RPS6KA6: variants seen among roughly 807,000 people sequenced by gnomAD.
RPS6KA6 encodes ribosomal protein S6 kinase A6, also known as ribosomal protein S6 kinase alpha-6.
RPS6KA6 carries 27 observed loss-of-function variants against 65.4 expected under a neutral mutation model. The ratio of observed to expected loss-of-function variants is 0.41; its 90% CI spans 0.30 to 0.57. The LOEUF (loss-of-function observed/expected upper bound fraction) is 0.57, where lower values mean the gene tolerates loss of function less well. RPS6KA6 is among the 20% of genes least tolerant of loss of function. RPS6KA6 has a pLI of 0.24. For missense variants in RPS6KA6, 486 were observed against 555.6 expected (o/e 0.87, Z 1.26); for synonymous variants, 190 against 184.2 (o/e 1.03, Z -0.26).
chrX:84,138,728 T>C (rs1485253386), intron 6 of RPS6KA6, among the ~76,000 whole-genome samples: 1 of 111,205 alleles, frequency 9.0e-6, no homozygotes, highest in Non-Finnish European at 1.9e-5. Context: ...TAATCAGCCA[T>C]TCATTCTACC....
intron 9 of RPS6KA6, among the ~76,000 whole-genome samples, chrX:84,118,804 T>C (rs757093166): frequency 8.9e-6 from 1 of 111,966 alleles, no homozygotes; most frequent in Admixed American, 9.5e-5. Context: ...TTTCTTCCAT[T>C]ACAATCCACT....
intron 3 of RPS6KA6, among the ~76,000 whole-genome samples, chrX:84,151,770 C>T (rs2035330746): frequency 8.9e-6 from 1 of 111,932 alleles, no homozygotes; most frequent in African/African-American, 3.2e-5. Context: ...AATGTCTCAT[C>T]AAGGACATTC....
chrX:84,181,151 T>C (rs1320028590), intron 1 of RPS6KA6, among the ~76,000 whole-genome samples: 4 of 111,860 alleles, frequency 3.6e-5, no homozygotes, highest in Non-Finnish European at 7.5e-5. Context: ...AAAGTTTGTC[T>C]TCAATCACTT....
intron 12 of RPS6KA6, among the ~76,000 whole-genome samples, chrX:84,108,706 G>A (rs1054052923): frequency 9.0e-6 from 1 of 111,594 alleles, no homozygotes; most frequent in Non-Finnish European, 1.9e-5. Flanking sequence ...CTGTGCAGAG[G>A]TACTGCTCAA....
rs1284445126 is a variant in RPS6KA6, at chrX:84,145,334, A to C, written c.501+144T>G. ...TGAGATGATAGAAAATGCCATTAAC[A>C]GGCACATTACCAAATACTATGCAAT... On this transcript the variant is annotated intron_variant, in intron 6 of 21. Transcript: ENST00000262752. 11 of 394,929 alleles carry C rather than the reference A, an allele frequency of 2.8e-5. No homozygotes were observed. The East Asian group carries it at 5.3e-4, about 19-fold the overall frequency. The allele number at this position is 394,929 out of a possible 1,213,427, so 32.5% of individuals were successfully genotyped here.
intron 20 of RPS6KA6, among the ~76,000 whole-genome samples, chrX:84,085,583 G>A (rs934567963): frequency 8.9e-6 from 1 of 112,003 alleles, no homozygotes; most frequent in Non-Finnish European, 1.9e-5. Context: ...CAGTTTGCCA[G>A]TTTTTACTGA....
chrX:84,097,907 A>G (rs2034188266), intron 18 of RPS6KA6, 59 bp from the exon 19 acceptor site: 1 of 844,702 alleles, frequency 1.2e-6, no homozygotes, highest in South Asian at 2.7e-5. Context: ...TTTCTCCCAA[A>G]GAAGTTGTTT....
At chrX:84,178,526 T>C in intron 1 of RPS6KA6, among the ~76,000 whole-genome samples, 1 of 112,274 alleles carries the variant, frequency 8.9e-6, no homozygotes, top group South Asian at 3.6e-4. Context: ...AGAATTTTAT[T>C]AATTGTATTA....
At chrX:84,164,243 T>G in intron 2 of RPS6KA6, 85 bp downstream of exon 2, 1 of 704,375 alleles carries the variant, frequency 1.4e-6, no homozygotes, top group Admixed American at 2.7e-5. Context: ...AATATATTTG[T>G]TTGATAGGAG....
chrX:84,149,764 T>G (rs1321053921), intron 3 of RPS6KA6, among the ~76,000 whole-genome samples: 2 of 111,515 alleles, frequency 1.8e-5, no homozygotes, highest in African/African-American at 3.3e-5. Context: ...AACATAATTT[T>G]TAAAGGCCCT....
intron 10 of RPS6KA6, 99 bp from the exon 11 acceptor site, chrX:84,117,247 C>T: frequency 1.4e-6 from 1 of 691,305 alleles, no homozygotes; most frequent in Non-Finnish European, 2.2e-6. Context: ...TACAAGGGTA[C>T]AGTCCTGTAT....
chrX:84,073,457 G>A (rs1006347139), intron 20 of RPS6KA6, among the ~76,000 whole-genome samples: 2 of 111,590 alleles, frequency 1.8e-5, no homozygotes, highest in Admixed American at 9.6e-5. Context: ...GCTTCATGAC[G>A]TTGGTTTGGA....
chrX:84,163,580 A>G (rs2035549496), intron 2 of RPS6KA6, among the ~76,000 whole-genome samples: 2 of 98,090 alleles, frequency 2.0e-5, no homozygotes, highest in Admixed American at 2.3e-4. Flanking sequence ...CGGAGCTTGC[A>G]GTGAGCCGAG....
chrX:84,116,749 G>A (rs1341209086), intron 11 of RPS6KA6, among the ~76,000 whole-genome samples: 3 of 107,075 alleles, frequency 2.8e-5, no homozygotes, highest in African/African-American at 1.1e-4. Flanking sequence ...AGAATATTGG[G>A]GGGGGGCAAA....
At chrX:84,179,370 T>A (rs2035816154) in intron 1 of RPS6KA6, among the ~76,000 whole-genome samples, 1 of 111,564 alleles carries the variant, frequency 9.0e-6, no homozygotes, top group South Asian at 3.7e-4. Context: ...ACCGAAATTT[T>A]CATACAAATG....
chrX:84,064,325 G>A lies in RPS6KA6; in HGVS notation c.2190C>T (p.Ser730=). The A allele has an allele frequency of 8.3e-7, 1 of 1,208,448 alleles. No homozygotes were observed. Among genetic ancestry groups the A allele is most frequent in the Non-Finnish European group, 1.1e-6 (1 of 893,824 alleles). Residue 730 remains serine, a synonymous_variant, in exon 22 of 22, where the codon AGC becomes AGT. Transcript: ENST00000262752. ...TTTTCATGCTCCGTCGCTGGGCTAA[G>A]CTTGAAGCAGCTACAGGCTCTAGGA... The part of the protein sequence containing the change: ...QPVLEPVAAS[S]LAQRRSMKKR...
At chrX:84,117,960 C>A (rs1211775900) in intron 9 of RPS6KA6, among the ~76,000 whole-genome samples, 1 of 110,897 alleles carries the variant, frequency 9.0e-6, no homozygotes, top group Non-Finnish European at 1.9e-5. Context: ...CCCTGCCACA[C>A]ACACACATGC....
chrX:84,108,126 T>C (rs9887469), intron 12 of RPS6KA6, among the ~76,000 whole-genome samples: 13,624 of 111,654 alleles, frequency 0.12, 794 homozygotes, highest in East Asian at 0.52. Flanking sequence ...AATGTACTGT[T>C]TAGGCTTGTA....
At chrX:84,145,327 C>T in intron 6 of RPS6KA6, 151 bp downstream of exon 6, 1 of 383,296 alleles carries the variant, frequency 2.6e-6, no homozygotes, top group Non-Finnish European at 4.5e-6. Flanking sequence ...TAGAAAATGC[C>T]ATTAACAGGC....
Sources: gnomAD v4.1 joint callset for allele counts (sites outside exome capture counted in the v4.1 genomes callset) on GRCh38, gnomAD v4.1.1 for gene constraint, MANE v1.5 for transcripts, NCBI Gene and HGNC (gene_info 2026-07-23, HGNC 2026-07-21) for gene names.